The following ADCY7 variants were observed in gnomAD, a reference collection of about 807,000 sequenced individuals.
ADCY7 encodes adenylate cyclase type 7.
In ADCY7, 72 loss-of-function variants were observed where a neutral mutation model predicts 120.6. That is an observed-to-expected ratio of 0.60 (90% CI 0.49 to 0.73). The LOEUF (loss-of-function observed/expected upper bound fraction) is 0.73, where lower values mean the gene tolerates loss of function less well. ADCY7 is among the 30% of genes least tolerant of loss of function. The pLI is 0.00. For synonymous variants in ADCY7, 661 were observed against 628.0 expected, an observed-to-expected ratio of 1.05 and a Z score of -0.78; for missense variants, 1,227 against 1,486.0, an observed-to-expected ratio of 0.83 and a Z score of 2.87.
chr16:50,311,295 C>G (rs1286497526), intron 19 of ADCY7, among the ~76,000 whole-genome samples: 1 of 152,034 alleles, frequency 6.6e-6, no homozygotes, highest in Non-Finnish European at 1.5e-5. Context: ...GCGGACCTGG[C>G]CCCCCTAAAC....
At position 50,314,066 on chromosome 16, in the gene ADCY7, C is replaced by T; in HGVS notation, c.2856+4C>T. 6.2e-7 allele frequency: 1 copy of T among 1,613,058 alleles called. No homozygotes were observed. Among genetic ancestry groups the T allele is most frequent in the Non-Finnish European group, 8.5e-7 (1 of 1,179,148 alleles). On this transcript the variant is annotated splice_donor_region_variant and intron_variant, in intron 23 of 25. Transcript: ENST00000673801. The stretch of plus-strand genomic sequence containing the variant: ...CGCCTCAGGGCACGAGAACCAGGTA[C>T]TCAAGCCCAAGAGGTGAAATTCAGC...
intron 18 of ADCY7, among the ~76,000 whole-genome samples, chr16:50,310,014 G>A (rs1344041193): frequency 2.6e-5 from 4 of 152,234 alleles, no homozygotes; most frequent in Non-Finnish European, 4.4e-5. Flanking sequence ...GATGGCGCCA[G>A]GGCAGGCCCA....
chr16:50,261,000 C>T (rs1186497048), intron 1 of ADCY7, among the ~76,000 whole-genome samples: 1 of 152,214 alleles, frequency 6.6e-6, no homozygotes, highest in Non-Finnish European at 1.5e-5. Flanking sequence ...GGCTGACTGC[C>T]ACTGTGGCAA....
intron 1 of ADCY7, among the ~76,000 whole-genome samples, chr16:50,251,676 C>T (rs549368829): frequency 2.6e-5 from 4 of 152,352 alleles, no homozygotes; most frequent in Non-Finnish European, 4.4e-5. Flanking sequence ...TGGCAGCTAC[C>T]GGTGGAAGCT....
chr16:50,289,216 T>C (rs1438279775), intron 2 of ADCY7: 1 of 337,156 alleles, frequency 3.0e-6, no homozygotes, highest in Non-Finnish European at 5.8e-6. Flanking sequence ...TGTTTGTTTT[T>C]GTAGAGACAT....
At chr16:50,295,861 G>A (rs1048359507) in intron 7 of ADCY7, among the ~76,000 whole-genome samples, 1 of 152,188 alleles carries the variant, frequency 6.6e-6, no homozygotes, top group African/African-American at 2.4e-5. Context: ...AGAGAAGTGT[G>A]GGGGCCAGGA....
At chr16:50,298,087 C>T (rs1160402260) in intron 7 of ADCY7, among the ~76,000 whole-genome samples, 1 of 152,058 alleles carries the variant, frequency 6.6e-6, no homozygotes, top group African/African-American at 2.4e-5. Flanking sequence ...ACCCTCGCCG[C>T]TCTCCTACTC....
chr16:50,310,960 C>G, intron 19 of ADCY7, 80 bp downstream of exon 19: 1 of 1,407,592 alleles, frequency 7.1e-7, no homozygotes, highest in Non-Finnish European at 9.5e-7. Context: ...CAAGGGGCTT[C>G]TGTGTTCATG....
intron 1 of ADCY7, among the ~76,000 whole-genome samples, chr16:50,286,174 C>T (rs1410724811): frequency 3.3e-5 from 5 of 151,724 alleles, no homozygotes; most frequent in Non-Finnish European, 7.4e-5. Context: ...GGGTAGATTG[C>T]TTGAGCTTAG....
In ADCY7 at chr16:50,290,487, A is replaced by G; in HGVS notation, c.202A>G (p.Met68Val). The G allele has an allele frequency of 1.9e-6, 3 of 1,614,214 alleles. No individual in the cohort carries two copies. The highest frequency in any genetic ancestry group is 2.5e-6 in the Non-Finnish European group (3 of 1,180,032). The change falls in exon 3 of 26, where the codon ATG becomes GTG. Residue 68 changes from methionine (M) to valine (V), a missense_variant. Met to Val is a conservative substitution (Grantham distance 21, BLOSUM62 1). Around this residue, in one of 5 missense-constraint regions of ADCY7, gnomAD observed 382 missense variants for 411.4 expected, o/e 0.93. Coordinates refer to ENST00000673801, the MANE Select transcript of ADCY7 (RefSeq NM_001114.5). ...DPSRHQAILG[M>V]AFLVLAVFAA... ...CTCCAGACACCAGGCCATTCTGGGC[A>G]TGGCGTTCCTGGTGCTGGCGGTGTT...
At chr16:50,249,179 C>A (rs1296050392) in intron 1 of ADCY7, among the ~76,000 whole-genome samples, 1 of 152,232 alleles carries the variant, frequency 6.6e-6, no homozygotes, top group African/African-American at 2.4e-5. Context: ...GCGGCTCACA[C>A]CTGTAATTCT....
intron 10 of ADCY7, 66 bp downstream of exon 10, chr16:50,301,280 G>A: frequency 1.3e-6 from 2 of 1,511,388 alleles, no homozygotes; most frequent in Non-Finnish European, 8.9e-7. Flanking sequence ...TGGAGAGCCT[G>A]GCCCGCACCT....
intron 23 of ADCY7, 54 bp from the exon 24 acceptor site, chr16:50,314,238 C>G: frequency 6.4e-7 from 1 of 1,565,134 alleles, no homozygotes; most frequent in Non-Finnish European, 8.8e-7. Context: ...CCAGGGCCCA[C>G]TAGGTCTGGG....
At chr16:50,276,961 G>A (rs62028326) in intron 1 of ADCY7, among the ~76,000 whole-genome samples, 1 of 150,148 alleles carries the variant, frequency 6.7e-6, no homozygotes, top group African/African-American at 2.5e-5. Flanking sequence ...TTTTTTTTTA[G>A]TCACATAAGC....
chr16:50,299,534 G>A (rs963390450), intron 8 of ADCY7, among the ~76,000 whole-genome samples: 4 of 152,242 alleles, frequency 2.6e-5, no homozygotes, highest in Non-Finnish European at 5.9e-5. Context: ...CGAGAGGGCT[G>A]TATGGGGAGA....
At chr16:50,308,557 C>T in intron 16 of ADCY7, 110 bp from the exon 17 acceptor site, 2 of 1,549,482 alleles carry the variant, frequency 1.3e-6, no homozygotes, top group South Asian at 1.2e-5. Context: ...GGACAATTTC[C>T]TGAGTGCCCT....
At chr16:50,300,650 C>A (rs953814028) in intron 8 of ADCY7, 65 bp from the exon 9 acceptor site, 1 of 1,533,616 alleles carries the variant, frequency 6.5e-7, no homozygotes, top group Non-Finnish European at 8.8e-7. Flanking sequence ...CCACCCCACA[C>A]CTGGGAGCTT....
rs2036891800 is a variant in ADCY7 at position 50,317,988 on chromosome 16, G to A, written c.*2483G>A. The A allele has an allele frequency of 6.6e-6, 1 of 152,278 alleles. No homozygotes were observed. Among genetic ancestry groups the A allele is most frequent in the African/African-American group, 2.4e-5 (1 of 41,420 alleles). 9.4% of individuals were successfully genotyped at this position (152,278 alleles called of 1,614,324 possible). ...GTCAGTGTAAAGAAATATGATTTGA[G>A]GTGGTGCATGCAAGTAACTAGGGTT... On this transcript the variant is annotated 3_prime_UTR_variant, in exon 26 of 26. Transcript: ENST00000673801.
rs754185496 is a variant in ADCY7, at chr16:50,315,141, A to G, written c.3096+3A>G. The G allele has an allele frequency of 4.3e-6, 7 of 1,614,034 alleles. No homozygotes were observed. Among genetic ancestry groups the G allele is most frequent in the Non-Finnish European group, 3.4e-6 (4 of 1,180,010 alleles). On this transcript the variant is annotated splice_donor_region_variant and intron_variant, in intron 25 of 25. Coordinates refer to ENST00000673801, the MANE Select transcript of ADCY7 (RefSeq NM_001114.5). ...CTGGAGAACTTGGGAAAATCCAGGTAAAGACCTATTGGGGAAGCAGTTGAC... is the reference window on the plus strand; with the variant it reads ...CTGGAGAACTTGGGAAAATCCAGGTGAAGACCTATTGGGGAAGCAGTTGAC...
Sources: gnomAD v4.1 joint callset for allele counts (sites outside exome capture counted in the v4.1 genomes callset) on GRCh38, gnomAD v4.1.1 for gene constraint, gnomAD v4.1.1 regional missense constraint, MANE v1.5 for transcripts, NCBI Gene and HGNC (gene_info 2026-07-23, HGNC 2026-07-21) for gene names.